Variants in PDS5A observed in about 807,000 individuals in gnomAD.
PDS5A encodes the protein PDS5 cohesin associated factor A.
Under a neutral mutation model 167.1 loss-of-function variants are expected in PDS5A, and 42 were observed. The observed-to-expected ratio is 0.25, with a 90% CI of 0.20 to 0.33. The LOEUF is 0.33. Ranked by LOEUF, PDS5A falls within the 10% of genes least tolerant of loss-of-function variation. The pLI is 1.00. For synonymous variants in PDS5A, 553 were observed against 554.6 expected, an observed-to-expected ratio of 1.00 and a Z score of 0.04; for missense variants, 1,033 against 1,605.9, an observed-to-expected ratio of 0.64 and a Z score of 6.10.
At chr4:39,955,282 T>C (rs555684617) in intron 2 of PDS5A, among the ~76,000 whole-genome samples, 10 of 152,220 alleles carry the variant, frequency 6.6e-5, no homozygotes, top group Non-Finnish European at 1.5e-5. Flanking sequence ...CTTTGAGTGA[T>C]AATGTTGTGA....
At chr4:39,885,727 C>T (rs57514849) in intron 17 of PDS5A, among the ~76,000 whole-genome samples, 36,797 of 152,062 alleles carry the variant, frequency 0.24, 4,909 homozygotes, top group East Asian at 0.44. Context: ...CCAGCCTGGA[C>T]GGCATGGTGA....
intron 2 of PDS5A, among the ~76,000 whole-genome samples, chr4:39,942,291 C>T (rs969232529): frequency 6.6e-6 from 1 of 152,120 alleles, no homozygotes; most frequent in Non-Finnish European, 1.5e-5. Flanking sequence ...ATATCTTGAG[C>T]CTCTTTACAG....
intron 21 of PDS5A, among the ~76,000 whole-genome samples, chr4:39,869,944 T>C (rs547656207): frequency 7.6e-4 from 116 of 152,130 alleles, no homozygotes; most frequent in Non-Finnish European, 1.4e-3. Flanking sequence ...CTGCCTCTTC[T>C]AAAAACACAA....
At chr4:39,912,486 A>C (rs1578727045) in intron 9 of PDS5A, among the ~76,000 whole-genome samples, 2 of 152,238 alleles carry the variant, frequency 1.3e-5, no homozygotes, top group African/African-American at 4.8e-5. Flanking sequence ...TTTAGCATTT[A>C]TTCCTATAAG....
intron 28 of PDS5A, 28 bp downstream of exon 28, chr4:39,848,823 G>T: frequency 6.5e-7 from 1 of 1,545,280 alleles, no homozygotes; most frequent in Non-Finnish European, 8.8e-7. Context: ...GTTTAGTGTG[G>T]TAGGAAAAAT....
rs373511370 is a variant in PDS5A at position 39,840,804 on chromosome 4, G to T, written c.3657+1144C>A. Among the ~76,000 whole-genome samples the T allele has an allele frequency of 4.6e-5, 7 of 151,898 alleles. No homozygotes were observed. The East Asian group carries it at 1.4e-3, about 30-fold the overall frequency. The stretch of plus-strand genomic sequence containing the variant: ...AGTCTCACTCTTGTCGCCCAGGCTG[G>T]AATGCAATGGCATGATGTTGGCTCA... On this transcript the variant is annotated intron_variant, in intron 31 of 32. Coordinates refer to ENST00000303538, the MANE Select transcript of PDS5A (RefSeq NM_001100399.2).
At chr4:39,893,835 T>C (rs1298229443) in intron 16 of PDS5A, among the ~76,000 whole-genome samples, 1 of 152,178 alleles carries the variant, frequency 6.6e-6, no homozygotes, top group Non-Finnish European at 1.5e-5. Flanking sequence ...GAAGGTATAA[T>C]GAACTCATGC....
In PDS5A at chr4:39,862,910, C is replaced by G; in HGVS notation, c.2930G>C (p.Ser977Thr). 1 of 1,612,268 alleles carries G rather than the reference C, an allele frequency of 6.2e-7. No individual in the cohort carries two copies. The highest frequency in any genetic ancestry group is 1.1e-5 in the South Asian group (1 of 91,074). The change falls in exon 25 of 33, where the codon AGT (serine) becomes ACT (threonine). Residue 977 changes from serine (S) to threonine (T), a missense_variant. Around this residue, in one of 4 missense-constraint regions of PDS5A, gnomAD observed 367 missense variants for 686.7 expected, o/e 0.53. Coordinates refer to ENST00000303538, the MANE Select transcript of PDS5A (RefSeq NM_001100399.2). ...CTGCTTAATGTATTCCCTGCGTATA[C>G]TGATATTTTTCAGTAAACATTGTCG... ...HARQCLLKNI[S>T]IRREYIKQNP... is the part of the protein sequence containing the mutation.
intron 21 of PDS5A, among the ~76,000 whole-genome samples, chr4:39,871,944 G>A (rs1186276088): frequency 9.9e-5 from 15 of 152,006 alleles, no homozygotes; most frequent in Admixed American, 9.8e-4. Context: ...GACCTCAGGT[G>A]ATCCACCCAC....
intron 2 of PDS5A, among the ~76,000 whole-genome samples, chr4:39,959,627 C>A (rs1578829948): frequency 1.3e-5 from 2 of 152,214 alleles, no homozygotes; most frequent in Middle Eastern, 6.8e-3. Context: ...CGTGAGCCAC[C>A]ACACCCAGCA....
chr4:39,942,715 T>G (rs1046850056), intron 2 of PDS5A, among the ~76,000 whole-genome samples: 1 of 152,184 alleles, frequency 6.6e-6, no homozygotes, highest in Non-Finnish European at 1.5e-5. Context: ...TATGAGTTAC[T>G]ACACCGTCAA....
intron 30 of PDS5A, among the ~76,000 whole-genome samples, chr4:39,843,080 GC>G (rs1332037469): frequency 5.3e-5 from 8 of 150,984 alleles, no homozygotes; most frequent in Non-Finnish European, 1.0e-4. Context: ...CCCCCATGAT[GC>G]CCAGATTGGT....
chr4:39,950,383 T>C (rs1278523027), intron 2 of PDS5A, among the ~76,000 whole-genome samples: 1 of 151,336 alleles, frequency 6.6e-6, no homozygotes, highest in Non-Finnish European at 1.5e-5. Flanking sequence ...GCCGAGATCA[T>C]GCCACTGTAT....
intron 2 of PDS5A, among the ~76,000 whole-genome samples, chr4:39,957,874 G>T (rs1193211754): frequency 6.6e-6 from 1 of 151,784 alleles, no homozygotes; most frequent in Non-Finnish European, 1.5e-5. Flanking sequence ...AGACTCCACA[G>T]GCCGGGGGTG....
At chr4:39,925,483 G>A (rs190218253) in intron 5 of PDS5A, among the ~76,000 whole-genome samples, 203 of 152,216 alleles carry the variant, frequency 1.3e-3, no homozygotes, top group African/African-American at 4.7e-3. Flanking sequence ...TTGTATTAAC[G>A]TAAGGTTTCA....
intron 11 of PDS5A, among the ~76,000 whole-genome samples, chr4:39,906,917 T>TTA (rs1553899864): frequency 1.9e-5 from 1 of 54,034 alleles, no homozygotes; most frequent in Non-Finnish European, 4.0e-5. Flanking sequence ...ATTTCTTACA[T>TTA]AAAAAAAAAA....
At position 39,877,127 on chromosome 4, in the gene PDS5A, C is replaced by T. The variant is rs757499710; in HGVS notation, c.2019G>A (p.Ser673=). The change falls in exon 19 of 33, where the codon TCG becomes TCA. Residue 673 remains serine, a synonymous_variant. Coordinates refer to ENST00000303538, the MANE Select transcript of PDS5A (RefSeq NM_001100399.2). ...ACTCATATGTCTCTGCAGAGTGGAA[C>T]GAGGTAGGATGTGTAAAAGACAGAA... is the stretch of plus-strand genomic sequence containing the variant. ...LKVLSFTHPT[S]FHSAETYESL... 4.7e-5 allele frequency: 75 copies of T among 1,599,272 alleles called. 1 individual carries two copies. The Admixed American group carries it at 8.9e-4, about 19-fold the overall frequency.
chr4:39,966,656 T>A (rs1338748260), intron 2 of PDS5A, among the ~76,000 whole-genome samples: 1 of 152,186 alleles, frequency 6.6e-6, no homozygotes, highest in African/African-American at 2.4e-5. Flanking sequence ...TGTATTAATG[T>A]CTGGAGCACT....
intron 16 of PDS5A, among the ~76,000 whole-genome samples, chr4:39,893,077 T>C (rs1390678866): frequency 2.6e-5 from 4 of 152,218 alleles, no homozygotes; most frequent in African/African-American, 9.6e-5. Flanking sequence ...GTAAACGATA[T>C]TCAAACCAAG....
Sources: allele counts gnomAD v4.1 joint callset (sites outside exome capture counted in the v4.1 genomes callset), GRCh38; gene constraint gnomAD v4.1.1; regional missense constraint gnomAD v4.1.1; transcripts MANE v1.5; gene names NCBI Gene and HGNC (gene_info 2026-07-23, HGNC 2026-07-21).